Variants in KCND2 observed in about 807,000 individuals in gnomAD.
KCND2 encodes the protein A-type voltage-gated potassium channel KCND2.
KCND2 carries 16 observed loss-of-function variants against 54.4 expected under a neutral mutation model. The ratio of observed to expected loss-of-function variants is 0.29; its 90% CI spans 0.20 to 0.45. The LOEUF (loss-of-function observed/expected upper bound fraction) is 0.45, where lower values mean the gene tolerates loss of function less well. Among genes scored for constraint, KCND2 ranks in the 20% least tolerant of loss-of-function variants. The pLI is 1.00. For synonymous variants in KCND2, 317 were observed against 310.7 expected (o/e 1.02, Z -0.21); for missense variants, 486 against 824.2 (o/e 0.59, Z 5.02).
intron 5 of KCND2, among the ~76,000 whole-genome samples, chr7:120,747,456 A>G (rs780291048): frequency 1.3e-5 from 2 of 152,108 alleles, no homozygotes; most frequent in Non-Finnish European, 2.9e-5. Context: ...TTTGATAAAT[A>G]CTTGATGGAA....
intron 1 of KCND2, among the ~76,000 whole-genome samples, chr7:120,456,004 A>G (rs982801673): frequency 4.6e-5 from 7 of 152,164 alleles, no homozygotes; most frequent in African/African-American, 1.4e-4. Context: ...GGGTCTGTAC[A>G]CTTATGGGAA....
At chr7:120,518,742 A>G (rs802335) in intron 1 of KCND2, among the ~76,000 whole-genome samples, 2 of 152,102 alleles carry the variant, frequency 1.3e-5, no homozygotes, top group Non-Finnish European at 2.9e-5. Context: ...ACTTTTTGCC[A>G]TAGGTTTACC....
intron 1 of KCND2, among the ~76,000 whole-genome samples, chr7:120,548,490 A>G (rs1792069446): frequency 6.6e-6 from 1 of 152,104 alleles, no homozygotes. Flanking sequence ...CCTTCCCTCC[A>G]GCCTGCCAGG....
At chr7:120,279,283 T>C (rs1480257924) in intron 1 of KCND2, among the ~76,000 whole-genome samples, 1 of 152,000 alleles carries the variant, frequency 6.6e-6, no homozygotes, top group African/African-American at 2.4e-5. Flanking sequence ...GAAGGGTTAT[T>C]ATTATGTTAA....
At chr7:120,612,745 G>A (rs1792972136) in intron 1 of KCND2, among the ~76,000 whole-genome samples, 1 of 152,060 alleles carries the variant, frequency 6.6e-6, no homozygotes, top group South Asian at 2.1e-4. Flanking sequence ...ATGAATTTTT[G>A]TTATTAGTTC....
intron 1 of KCND2, among the ~76,000 whole-genome samples, chr7:120,523,823 A>C: frequency 6.6e-6 from 1 of 150,462 alleles, no homozygotes; most frequent in East Asian, 1.9e-4. Context: ...TTATATATAT[A>C]TATTCAGCAA....
intron 1 of KCND2, among the ~76,000 whole-genome samples, chr7:120,699,500 A>T (rs890104592): frequency 6.6e-6 from 1 of 152,180 alleles, no homozygotes; most frequent in Non-Finnish European, 1.5e-5. Context: ...CAAATAAATT[A>T]GTGACAACAC....
At chr7:120,562,286 C>T (rs1344570617) in intron 1 of KCND2, among the ~76,000 whole-genome samples, 1 of 151,602 alleles carries the variant, frequency 6.6e-6, no homozygotes, top group Non-Finnish European at 1.5e-5. Context: ...ATAAAGATGT[C>T]AAAAGGAAAA....
chr7:120,720,819 T>C (rs1792657039), intron 1 of KCND2, among the ~76,000 whole-genome samples: 1 of 152,170 alleles, frequency 6.6e-6, no homozygotes, highest in Admixed American at 6.6e-5. Flanking sequence ...ACTTAGTCCA[T>C]TCTGTTGTAA....
chr7:120,430,595 A>T (rs1801774660), intron 1 of KCND2, among the ~76,000 whole-genome samples: 1 of 152,204 alleles, frequency 6.6e-6, no homozygotes, highest in African/African-American at 2.4e-5. Flanking sequence ...GTTGAAATCA[A>T]CTTTTAAGAA....
At chr7:120,734,433 G>A (rs1338252918) in intron 2 of KCND2, among the ~76,000 whole-genome samples, 1 of 152,072 alleles carries the variant, frequency 6.6e-6, no homozygotes, top group Admixed American at 6.6e-5. Flanking sequence ...TAATCCTCAA[G>A]TACCCCCAAA....
intron 1 of KCND2, among the ~76,000 whole-genome samples, chr7:120,538,637 A>C (rs1791940967): frequency 6.6e-6 from 1 of 152,150 alleles, no homozygotes; most frequent in Non-Finnish European, 1.5e-5. Context: ...CCCACCCTGA[A>C]TTAGGTTCTT....
intron 1 of KCND2, among the ~76,000 whole-genome samples, chr7:120,542,066 T>A (rs2116382121): frequency 6.6e-6 from 1 of 152,302 alleles, no homozygotes; most frequent in African/African-American, 2.4e-5. Flanking sequence ...GGTCAAGTAT[T>A]TGCTTAACAC....
At chr7:120,452,636 C>G (rs1361899442) in intron 1 of KCND2, among the ~76,000 whole-genome samples, 3 of 150,840 alleles carry the variant, frequency 2.0e-5, no homozygotes, top group African/African-American at 5.0e-5. Context: ...CACAATGAAC[C>G]TCTGGAATCT....
chr7:120,715,368 T>G (rs1225790188), intron 1 of KCND2, among the ~76,000 whole-genome samples: 1 of 152,068 alleles, frequency 6.6e-6, no homozygotes, highest in Non-Finnish European at 1.5e-5. Context: ...TATGAAAGAA[T>G]AAGAAATATT....
intron 1 of KCND2, among the ~76,000 whole-genome samples, chr7:120,557,500 T>A (rs1792179912): frequency 6.6e-6 from 1 of 152,156 alleles, no homozygotes; most frequent in South Asian, 2.1e-4. Context: ...TCCCTGCCTT[T>A]AATCATGCTG....
At chr7:120,457,997 T>C (rs374896998) in intron 1 of KCND2, among the ~76,000 whole-genome samples, 33 of 152,258 alleles carry the variant, frequency 2.2e-4, no homozygotes, top group Admixed American at 7.2e-4. Context: ...CTTATTGATA[T>C]GGTGGCAGCA....
intron 1 of KCND2, among the ~76,000 whole-genome samples, chr7:120,279,652 C>A (rs150187724): frequency 0.012 from 1,824 of 151,862 alleles, 21 homozygotes; most frequent in Middle Eastern, 0.031. Context: ...AGCATAATTG[C>A]CATATTTCAA....
rs577950844 is a variant in KCND2 at position 120,580,371 on chromosome 7, A to T, written c.1116-152532A>T. Among the ~76,000 whole-genome samples, 5 of 152,296 alleles carry T rather than the reference A, an allele frequency of 3.3e-5. 1 individual carries two copies. Among genetic ancestry groups the T allele is most frequent in the Admixed American group, 3.3e-4 (5 of 15,304 alleles). On this transcript the variant is annotated intron_variant, in intron 1 of 5. Transcript: ENST00000331113. ...AAAGGAGAAGGTGACATGGTGCTGG[A>T]AACAGGCAAACCGTCTCTCCTCTTT...
Sources: gnomAD v4.1 joint callset for allele counts (sites outside exome capture counted in the v4.1 genomes callset) on GRCh38, gnomAD v4.1.1 for gene constraint, MANE v1.5 for transcripts, NCBI Gene and HGNC (gene_info 2026-07-23, HGNC 2026-07-21) for gene names.